CNTN5: variants seen among roughly 807,000 people sequenced by gnomAD.
CNTN5 encodes contactin-5.
In CNTN5, 77 loss-of-function variants were observed where a neutral mutation model predicts 129.1. That is an observed-to-expected ratio of 0.60 (90% CI 0.50 to 0.72). The LOEUF (loss-of-function observed/expected upper bound fraction) is 0.72. Among genes scored for constraint, CNTN5 ranks in the 30% least tolerant of loss-of-function variants. The probability of loss-of-function intolerance (pLI) is 0.00; values close to 1 mark genes in which losing one functional copy is unlikely to be tolerated. For missense variants in CNTN5, 1,478 were observed against 1,328.8 expected (o/e 1.11, Z -1.75); for synonymous variants, 509 against 465.6 (o/e 1.09, Z -1.20).
chr11:99,927,974 A>C (rs909659111), intron 7 of CNTN5, among the ~76,000 whole-genome samples: 2 of 152,162 alleles, frequency 1.3e-5, no homozygotes, highest in Non-Finnish European at 2.9e-5. Flanking sequence ...CCTACATACT[A>C]TGGGGGTACA....
At chr11:99,450,987 T>C (rs1944281904) in intron 2 of CNTN5, among the ~76,000 whole-genome samples, 2 of 152,072 alleles carry the variant, frequency 1.3e-5, no homozygotes, top group South Asian at 4.1e-4. Flanking sequence ...AGGAATATGA[T>C]AGGGGAGTCT....
chr11:99,452,372 G>T (rs369245501), intron 2 of CNTN5, among the ~76,000 whole-genome samples: 108 of 104,350 alleles, frequency 1.0e-3, no homozygotes, highest in Middle Eastern at 6.1e-3. Flanking sequence ...AAACACAGGT[G>T]TTTTTTTTTT....
intron 1 of CNTN5, among the ~76,000 whole-genome samples, chr11:99,293,398 G>A (rs766357650): frequency 2.6e-5 from 4 of 151,934 alleles, no homozygotes; most frequent in African/African-American, 9.7e-5. Context: ...TTCTTTTTTT[G>A]TTGTGCCTTT....
chr11:99,811,232 C>A (rs1365662419), intron 3 of CNTN5, among the ~76,000 whole-genome samples: 2 of 151,626 alleles, frequency 1.3e-5, no homozygotes, highest in Non-Finnish European at 2.9e-5. Context: ...ATTTTAGGAG[C>A]GGTAAATTTT....
At chr11:100,018,991 G>A (rs375329844) in intron 9 of CNTN5, among the ~76,000 whole-genome samples, 25 of 151,848 alleles carry the variant, frequency 1.6e-4, no homozygotes, top group African/African-American at 5.6e-4. Flanking sequence ...TGCCTGAGAT[G>A]TTGATATTTT....
At chr11:99,187,802 A>G (rs1010630766) in intron 1 of CNTN5, among the ~76,000 whole-genome samples, 11 of 151,852 alleles carry the variant, frequency 7.2e-5, no homozygotes, top group African/African-American at 2.2e-4. Context: ...GGGACTTTTT[A>G]CCTTAATTTT....
chr11:100,197,440 G>A (rs894731047), intron 15 of CNTN5, among the ~76,000 whole-genome samples: 3 of 151,962 alleles, frequency 2.0e-5, no homozygotes, highest in African/African-American at 7.2e-5. Context: ...TTAAGTAGAG[G>A]TTATAATAAG....
intron 3 of CNTN5, among the ~76,000 whole-genome samples, chr11:99,724,846 T>A (rs181964128): frequency 2.0e-5 from 3 of 152,320 alleles, no homozygotes; most frequent in Admixed American, 2.0e-4. Flanking sequence ...TAGGTTACTA[T>A]ACTACAAGCT....
intron 13 of CNTN5, among the ~76,000 whole-genome samples, chr11:100,091,421 A>C (rs61908108): frequency 2.8e-5 from 3 of 105,580 alleles, no homozygotes; most frequent in African/African-American, 1.1e-4. Context: ...TTTTTTATTT[A>C]TTCTTTTTTT....
intron 3 of CNTN5, among the ~76,000 whole-genome samples, chr11:99,684,158 T>C (rs1953683812): frequency 6.6e-6 from 1 of 151,830 alleles, no homozygotes; most frequent in Non-Finnish European, 1.5e-5. Flanking sequence ...CTTCTTTAGA[T>C]TCTGCATGTA....
chr11:99,840,520 GAAAA>G (rs60299337), intron 4 of CNTN5, among the ~76,000 whole-genome samples: 4 of 146,030 alleles, frequency 2.7e-5, no homozygotes, highest in South Asian at 2.2e-4. Context: ...TCTTTTCTAA[GAAAA>G]AAAAAAGCCT....
intron 13 of CNTN5, among the ~76,000 whole-genome samples, chr11:100,093,784 C>T (rs191692717): frequency 3.5e-3 from 531 of 152,158 alleles, no homozygotes; most frequent in Non-Finnish European, 5.9e-3. Context: ...ATACAGACAC[C>T]TAGGCCCCTT....
chr11:99,478,162 G>A (rs1473801722), intron 2 of CNTN5, among the ~76,000 whole-genome samples: 1 of 152,080 alleles, frequency 6.6e-6, no homozygotes, highest in South Asian at 2.1e-4. Flanking sequence ...TAGAGTCTGG[G>A]CATGGCTGGG....
intron 3 of CNTN5, among the ~76,000 whole-genome samples, chr11:99,808,941 G>A (rs1946350518): frequency 6.6e-6 from 1 of 152,092 alleles, no homozygotes; most frequent in African/African-American, 2.4e-5. Flanking sequence ...AAGATTATAA[G>A]CATAGGGTTT....
At chr11:100,319,965 G>A (rs1001444312) in intron 21 of CNTN5, among the ~76,000 whole-genome samples, 1 of 152,150 alleles carries the variant, frequency 6.6e-6, no homozygotes, top group Non-Finnish European at 1.5e-5. Context: ...ATCTGTTGAT[G>A]GACAAGATAT....
chr11:99,579,946 A>G (rs1251124946), intron 3 of CNTN5, among the ~76,000 whole-genome samples: 1 of 150,922 alleles, frequency 6.6e-6, no homozygotes, highest in East Asian at 2.0e-4. Context: ...TTGCCCATTC[A>G]GTATGATATT....
intron 8 of CNTN5, among the ~76,000 whole-genome samples, chr11:99,963,439 G>A (rs1951006371): frequency 1.3e-5 from 2 of 151,806 alleles, no homozygotes; most frequent in African/African-American, 4.8e-5. Context: ...TTCTTTTTTT[G>A]TCAGGTTTGT....
chr11:99,940,677 T>C (rs1425111055), intron 7 of CNTN5, among the ~76,000 whole-genome samples: 1 of 152,130 alleles, frequency 6.6e-6, no homozygotes, highest in Non-Finnish European at 1.5e-5. Context: ...TACAGTTATG[T>C]TGTGTTTTAA....
In CNTN5 at chr11:100,321,240, T is replaced by G. The variant is rs571394555; in HGVS notation, c.2730+12772T>G. 3.9e-5 allele frequency among the ~76,000 whole-genome samples: 6 copies of G among 152,064 alleles called. No individual in the cohort carries two copies. In the East Asian group the frequency reaches 1.2e-3, roughly 29 times the overall value. On this transcript the variant is annotated intron_variant, in intron 21 of 24. Coordinates refer to ENST00000524871, the MANE Select transcript of CNTN5 (RefSeq NM_014361.4). ...TTTGATTTTTTTAATCAATGTTTTA[T>G]AGTGTTTAATTTAGAAATCCTTCAC...
Sources: gnomAD v4.1 joint callset for allele counts (sites outside exome capture counted in the v4.1 genomes callset) on GRCh38, gnomAD v4.1.1 for gene constraint, MANE v1.5 for transcripts, NCBI Gene and HGNC (gene_info 2026-07-23, HGNC 2026-07-21) for gene names.